The following UPP2 variants were observed in gnomAD, a reference collection of about 807,000 sequenced individuals.
UPP2 encodes UPase 2.
Under a neutral mutation model 26.7 loss-of-function variants are expected in UPP2, and 23 were observed. The ratio of observed to expected loss-of-function variants is 0.86; its 90% CI spans 0.62 to 1.22. UPP2 has a LOEUF of 1.22. Ranked by LOEUF, UPP2 falls within the 50% of genes most tolerant of loss-of-function variation. UPP2 has a pLI of 0.00. For missense variants in UPP2, 387 were observed against 396.7 expected (o/e 0.98, Z 0.21); for synonymous variants, 127 against 141.3 (o/e 0.90, Z 0.72).
chr2:158,016,508 T>G (rs539001059), intron 3 of UPP2, among the ~76,000 whole-genome samples: 5 of 152,024 alleles, frequency 3.3e-5, no homozygotes, highest in African/African-American at 1.2e-4. Context: ...ACCCAGCTAA[T>G]TTTTGTATTT....
intron 3 of UPP2, among the ~76,000 whole-genome samples, chr2:158,029,554 T>A (rs565302914): frequency 6.6e-6 from 1 of 152,284 alleles, no homozygotes; most frequent in Non-Finnish European, 1.5e-5. Flanking sequence ...TTGCCATCAG[T>A]AGAGTGGCAA....
chr2:158,070,174 C>G (rs540635789), intron 3 of UPP2, among the ~76,000 whole-genome samples: 3 of 152,258 alleles, frequency 2.0e-5, no homozygotes, highest in African/African-American at 7.2e-5. Context: ...GTAGTCTCTC[C>G]CTATAATTAA....
At chr2:158,125,943 T>C (rs1381848027) in intron 6 of UPP2, among the ~76,000 whole-genome samples, 1 of 152,202 alleles carries the variant, frequency 6.6e-6, no homozygotes, top group Admixed American at 6.5e-5. Flanking sequence ...TGTGTAAGTG[T>C]AACATAATTT....
chr2:158,059,166 T>C (rs1682310606), intron 3 of UPP2, among the ~76,000 whole-genome samples: 1 of 152,228 alleles, frequency 6.6e-6, no homozygotes, highest in Admixed American at 6.5e-5. Flanking sequence ...ATCTAGTCGA[T>C]TGTGACTTCA....
At chr2:158,065,676 C>G in intron 3 of UPP2, 1 of 602,640 alleles carries the variant, frequency 1.7e-6, no homozygotes, top group Non-Finnish European at 3.1e-6. Flanking sequence ...GGAGTTTTCA[C>G]AATAGATAAG....
chr2:158,005,665 G>T (rs1683476924), intron 2 of UPP2, among the ~76,000 whole-genome samples: 1 of 152,184 alleles, frequency 6.6e-6, no homozygotes, highest in Admixed American at 6.5e-5. Context: ...ATATGGCTCT[G>T]CCATTTACCA....
intron 1 of UPP2, 62 bp from the exon 2 acceptor site, chr2:158,106,037 C>A (rs930472404): frequency 1.6e-6 from 2 of 1,287,204 alleles, no homozygotes; most frequent in African/African-American, 1.5e-5. Flanking sequence ...TTCAGACTTT[C>A]TTTCTTGTGA....
At chr2:158,097,136 A>G (rs1682997933), upstream of UPP2, among the ~76,000 whole-genome samples, 1 of 152,158 alleles carries the variant, frequency 6.6e-6, no homozygotes, top group Admixed American at 6.5e-5. Flanking sequence ...CTCATCTTCG[A>G]GCATTAACAA....
intron 3 of UPP2, among the ~76,000 whole-genome samples, chr2:158,083,514 A>G (rs1460946047): frequency 6.6e-6 from 1 of 151,814 alleles, no homozygotes; most frequent in Non-Finnish European, 1.5e-5. Flanking sequence ...GTGAGAACAC[A>G]TGGACACAGG....
In UPP2 at chr2:158,135,041, A is replaced by G; in HGVS notation, c.*151A>G. 1 of 945,900 alleles carries G rather than the reference A, an allele frequency of 1.1e-6. No homozygotes were observed. Among genetic ancestry groups the G allele is most frequent in the Non-Finnish European group, 1.4e-6 (1 of 693,594 alleles). 58.6% of individuals were successfully genotyped at this position (945,900 alleles called of 1,614,324 possible). ...TGAAATCCTTCTCTCTTAAAAAGGAATTTATTGTAAAAGAATACTCACACT... is the reference window on the plus strand; with the variant it reads ...TGAAATCCTTCTCTCTTAAAAAGGAGTTTATTGTAAAAGAATACTCACACT... On this transcript the variant is annotated 3_prime_UTR_variant, in exon 7 of 7. Coordinates refer to ENST00000005756, the MANE Select transcript of UPP2 (RefSeq NM_173355.4).
At chr2:158,110,921 T>C (rs561886591) in intron 2 of UPP2, among the ~76,000 whole-genome samples, 8 of 152,332 alleles carry the variant, frequency 5.3e-5, no homozygotes, top group African/African-American at 1.9e-4. Flanking sequence ...CTTTGTCAGA[T>C]AAGTAGATTG....
At chr2:158,066,849 A>T (rs1174235970) in intron 3 of UPP2, among the ~76,000 whole-genome samples, 3 of 152,124 alleles carry the variant, frequency 2.0e-5, no homozygotes, top group African/African-American at 7.2e-5. Context: ...GGAGGGGGCT[A>T]TTCATTATTT....
chr2:158,083,705 T>TA (rs969680304), intron 3 of UPP2, among the ~76,000 whole-genome samples: 16 of 149,824 alleles, frequency 1.1e-4, no homozygotes, highest in Admixed American at 5.3e-4. Flanking sequence ...AAAGTATAAT[T>TA]AAAAAAAAAT....
chr2:158,005,065 G>A (rs1373655199), intron 2 of UPP2, among the ~76,000 whole-genome samples: 1 of 152,132 alleles, frequency 6.6e-6, no homozygotes. Flanking sequence ...CTCTAGTCAT[G>A]TTTCCTTTAC....
At position 158,106,152 on chromosome 2, in the gene UPP2, T is replaced by G; in HGVS notation, c.116T>G (p.Ile39Ser). 1 of 1,609,656 alleles carries G rather than the reference T, an allele frequency of 6.2e-7. No homozygotes were observed. Among genetic ancestry groups the G allele is most frequent in the Non-Finnish European group, 8.5e-7 (1 of 1,178,394 alleles). The part of the protein sequence containing the change: ...NPYLDLMDED[I>S]LYHLDLGTKT... ...TACTTGGATTTGATGGATGAAGACA[T>G]TCTCTATCACTTGGATTTGGGAACA... The change falls in exon 2 of 7, where the codon ATT becomes AGT. Residue 39 changes from isoleucine (I) to serine (S), a missense_variant. Ile to Ser is a moderately radical substitution (Grantham distance 142). Transcript: ENST00000005756.
chr2:158,054,229 G>T (rs1377353085), intron 3 of UPP2, among the ~76,000 whole-genome samples: 1 of 152,098 alleles, frequency 6.6e-6, no homozygotes, highest in East Asian at 1.9e-4. Context: ...CTGCACTCCA[G>T]CCTGGGTGAC....
intron 2 of UPP2, among the ~76,000 whole-genome samples, chr2:158,015,596 T>C (rs938468022): frequency 2.0e-5 from 3 of 152,236 alleles, no homozygotes; most frequent in Non-Finnish European, 4.4e-5. Context: ...GATGTGGTTT[T>C]GCTCTGTGTT....
chr2:158,015,756 T>C (rs1373021675), intron 2 of UPP2: 1 of 452,854 alleles, frequency 2.2e-6, no homozygotes, highest in Admixed American at 2.4e-5. Flanking sequence ...GTGTGGCACT[T>C]ACCCCTTTGC....
intron 6 of UPP2, among the ~76,000 whole-genome samples, chr2:158,130,837 A>G (rs1458381903): frequency 1.3e-5 from 2 of 152,204 alleles, no homozygotes; most frequent in African/African-American, 2.4e-5. Context: ...CCCATCCCCA[A>G]TTGTGATTTA....
Sources: gnomAD v4.1 joint callset for allele counts (sites outside exome capture counted in the v4.1 genomes callset) on GRCh38, gnomAD v4.1.1 for gene constraint, MANE v1.5 for transcripts, NCBI Gene and HGNC (gene_info 2026-07-23, HGNC 2026-07-21) for gene names.